CLSTN2: variants seen among roughly 807,000 people sequenced by gnomAD.
The protein encoded by CLSTN2 is calsyntenin 2, also known as calsyntenin-2.
In CLSTN2, 48 loss-of-function variants were observed where a neutral mutation model predicts 101.2. The observed-to-expected ratio is 0.47, with a 90% CI of 0.38 to 0.60. The LOEUF (loss-of-function observed/expected upper bound fraction) is 0.60. Among genes scored for constraint, CLSTN2 ranks in the 20% least tolerant of loss-of-function variants. The pLI, the probability that CLSTN2 is intolerant of heterozygous loss-of-function variation, is 0.00. For synonymous variants in CLSTN2, 481 were observed against 463.6 expected, an observed-to-expected ratio of 1.04 and a Z score of -0.48; for missense variants, 1,160 against 1,238.2, an observed-to-expected ratio of 0.94 and a Z score of 0.95.
chr3:140,288,246 A>T (rs1196757444), intron 2 of CLSTN2, among the ~76,000 whole-genome samples: 1 of 152,160 alleles, frequency 6.6e-6, no homozygotes, highest in Non-Finnish European at 1.5e-5. Flanking sequence ...TAAAAAATTT[A>T]TGAAAGAAAG....
At chr3:140,094,362 G>T in intron 1 of CLSTN2, among the ~76,000 whole-genome samples, 1 of 152,278 alleles carries the variant, frequency 6.6e-6, no homozygotes, top group Non-Finnish European at 1.5e-5. Flanking sequence ...GAGCTGTAAA[G>T]TCTCTTCAAA....
intron 1 of CLSTN2, among the ~76,000 whole-genome samples, chr3:140,102,979 A>G (rs779445853): frequency 1.3e-5 from 2 of 152,190 alleles, no homozygotes; most frequent in Non-Finnish European, 2.9e-5. Context: ...AAGGATATTA[A>G]TATCTATTTT....
chr3:140,315,805 C>A (rs61614313), intron 2 of CLSTN2, among the ~76,000 whole-genome samples: 1 of 152,128 alleles, frequency 6.6e-6, no homozygotes, highest in Non-Finnish European at 1.5e-5. Context: ...ACATCCCTCC[C>A]GTTATAATCA....
chr3:140,280,000 A>C (rs2086829575), intron 2 of CLSTN2, among the ~76,000 whole-genome samples: 1 of 152,094 alleles, frequency 6.6e-6, no homozygotes, highest in African/African-American at 2.4e-5. Flanking sequence ...CAGCCAGTCC[A>C]TTTCATCCCT....
chr3:140,055,124 T>C (rs1193031855), intron 1 of CLSTN2, among the ~76,000 whole-genome samples: 1 of 152,228 alleles, frequency 6.6e-6, no homozygotes, highest in African/African-American at 2.4e-5. Context: ...AAAACTTTCA[T>C]TTTCATCTCT....
At chr3:140,005,973 A>T (rs1185758531) in intron 1 of CLSTN2, among the ~76,000 whole-genome samples, 1 of 152,248 alleles carries the variant, frequency 6.6e-6, no homozygotes, top group Non-Finnish European at 1.5e-5. Flanking sequence ...AATATTGTAT[A>T]CTTGATCTCA....
intron 2 of CLSTN2, among the ~76,000 whole-genome samples, chr3:140,284,032 C>T (rs1216933869): frequency 1.3e-5 from 2 of 152,154 alleles, no homozygotes; most frequent in Admixed American, 6.5e-5. Flanking sequence ...TCACCTTGAG[C>T]AGCTAGTATG....
intron 1 of CLSTN2, among the ~76,000 whole-genome samples, chr3:140,153,029 G>A (rs1212249952): frequency 6.6e-6 from 1 of 152,156 alleles, no homozygotes; most frequent in East Asian, 1.9e-4. Flanking sequence ...TGGTTTATGT[G>A]GTGTCACAGG....
At chr3:140,014,620 A>C (rs1426025) in intron 1 of CLSTN2, among the ~76,000 whole-genome samples, 96,794 of 151,878 alleles carry the variant, frequency 0.64, 32,061 homozygotes, top group Middle Eastern at 0.76. Flanking sequence ...AGGGAAGGAG[A>C]GTCCCACAAA....
At chr3:140,237,336 T>G (rs1041203098) in intron 2 of CLSTN2, among the ~76,000 whole-genome samples, 1 of 152,176 alleles carries the variant, frequency 6.6e-6, no homozygotes, top group African/African-American at 2.4e-5. Flanking sequence ...GAAGACAAAC[T>G]ATCTGTAGCA....
At chr3:140,474,079 T>C (rs73231221) in intron 8 of CLSTN2, among the ~76,000 whole-genome samples, 14,204 of 152,226 alleles carry the variant, frequency 0.093, 739 homozygotes, top group East Asian at 0.12. Flanking sequence ...TGGCCAAATC[T>C]GTGTTGTTTT....
At chr3:140,307,343 C>T (rs140849509) in intron 2 of CLSTN2, among the ~76,000 whole-genome samples, 4 of 152,330 alleles carry the variant, frequency 2.6e-5, no homozygotes, top group African/African-American at 9.6e-5. Flanking sequence ...CCGGCCTCCT[C>T]CTGCTCTCCT....
At chr3:139,965,839 C>T (rs1463583608) in intron 1 of CLSTN2, among the ~76,000 whole-genome samples, 3 of 152,164 alleles carry the variant, frequency 2.0e-5, no homozygotes, top group Non-Finnish European at 4.4e-5. Flanking sequence ...CGGAGGCATG[C>T]CCACTCATTT....
chr3:140,107,311 A>G (rs1253229184), intron 1 of CLSTN2, among the ~76,000 whole-genome samples: 1 of 152,048 alleles, frequency 6.6e-6, no homozygotes, highest in East Asian at 1.9e-4. Flanking sequence ...TTCTCCTAAT[A>G]TGAAAGGGCA....
At chr3:140,215,200 A>C in intron 2 of CLSTN2, among the ~76,000 whole-genome samples, 1 of 150,456 alleles carries the variant, frequency 6.6e-6, no homozygotes, top group African/African-American at 2.5e-5. Flanking sequence ...TTTTTTTCTT[A>C]CTCTTCTCTT....
At chr3:140,225,426 T>A (rs1386313443) in intron 2 of CLSTN2, among the ~76,000 whole-genome samples, 1 of 152,248 alleles carries the variant, frequency 6.6e-6, no homozygotes, top group Non-Finnish European at 1.5e-5. Context: ...AGACAATTTA[T>A]TGTTTTAGTG....
At chr3:140,064,112 C>G (rs972284404) in intron 1 of CLSTN2, among the ~76,000 whole-genome samples, 5 of 152,200 alleles carry the variant, frequency 3.3e-5, no homozygotes, top group African/African-American at 1.2e-4. Flanking sequence ...AGCTGCCTCT[C>G]AGTCTGACTG....
rs1420501135 is a variant in CLSTN2, at chr3:140,511,390, GA to G, written c.1345-20931del. Reference sequence around the variant, plus strand: ...TTCGTTTGAGTACATATGCAGTAATGAAATTGCTGGGTCAAATGGTATTTCT... The same window carrying G: ...TTCGTTTGAGTACATATGCAGTAATGAATTGCTGGGTCAAATGGTATTTCT... On this transcript the variant is annotated intron_variant, in intron 8 of 16. Coordinates refer to ENST00000458420, the MANE Select transcript of CLSTN2 (RefSeq NM_022131.3). Among the ~76,000 whole-genome samples the G allele has an allele frequency of 8.5e-5, 13 of 152,058 alleles. 1 individual carries two copies. The highest frequency in any genetic ancestry group is 8.5e-4 in the Admixed American group (13 of 15,260).
intron 1 of CLSTN2, among the ~76,000 whole-genome samples, chr3:140,132,139 A>C (rs534333128): frequency 6.6e-6 from 1 of 152,194 alleles, no homozygotes; most frequent in Non-Finnish European, 1.5e-5. Flanking sequence ...GCTATTCTGC[A>C]TGGCAGGCTC....
Sources: gnomAD v4.1 joint callset for allele counts (sites outside exome capture counted in the v4.1 genomes callset) on GRCh38, gnomAD v4.1.1 for gene constraint, MANE v1.5 for transcripts, NCBI Gene and HGNC (gene_info 2026-07-23, HGNC 2026-07-21) for gene names.